ZC3H12B: variants seen among roughly 807,000 people sequenced by gnomAD.
ZC3H12B encodes the protein probable ribonuclease ZC3H12B.
Under a neutral mutation model 43.9 loss-of-function variants are expected in ZC3H12B, and 7 were observed. The ratio of observed to expected loss-of-function variants is 0.16; its 90% CI spans 0.09 to 0.30. The LOEUF (loss-of-function observed/expected upper bound fraction) is 0.30. Among genes scored for constraint, ZC3H12B ranks in the 10% least tolerant of loss-of-function variants. The probability of loss-of-function intolerance (pLI) is 1.00; values close to 1 mark genes in which losing one functional copy is unlikely to be tolerated. For missense variants in ZC3H12B, 475 were observed against 670.2 expected (o/e 0.71, Z 3.22); for synonymous variants, 222 against 241.7 (o/e 0.92, Z 0.76).
At chrX:65,053,067 C>T in the ZC3H12B span, among the ~76,000 whole-genome samples, 1 of 110,547 alleles carries the variant, frequency 9.0e-6, no homozygotes, top group Non-Finnish European at 1.9e-5. Flanking sequence ...AGAAGTATTC[C>T]CTCCTGCTCT....
chrX:65,196,813 C>T, the ZC3H12B span, among the ~76,000 whole-genome samples: 1 of 111,446 alleles, frequency 9.0e-6, no homozygotes. Context: ...AAAGAGGAAA[C>T]GGAGGTTTTA....
chrX:65,078,423 A>G, the ZC3H12B span, among the ~76,000 whole-genome samples: 1 of 112,083 alleles, frequency 8.9e-6, no homozygotes, highest in Non-Finnish European at 1.9e-5. Context: ...AGTGAAGGAG[A>G]TGAGAATGAG....
At chrX:65,498,288 G>A (rs759531927) in intron 2 of ZC3H12B, among the ~76,000 whole-genome samples, 21 of 111,786 alleles carry the variant, frequency 1.9e-4, no homozygotes, top group Admixed American at 6.7e-4. Flanking sequence ...CAGTCCTAAC[G>A]GCAGAGGGGT....
chrX:65,152,402 A>G, the ZC3H12B span, among the ~76,000 whole-genome samples: 2 of 111,890 alleles, frequency 1.8e-5, no homozygotes, highest in Admixed American at 1.9e-4. Context: ...TACAAAATCA[A>G]TGTACAAAAA....
chrX:65,152,616 T>C, the ZC3H12B span, among the ~76,000 whole-genome samples: 6 of 111,563 alleles, frequency 5.4e-5, no homozygotes, highest in Non-Finnish European at 1.1e-4. Flanking sequence ...CATTCCATGC[T>C]CATGGGTAGG....
chrX:65,225,760 G>A, the ZC3H12B span, among the ~76,000 whole-genome samples: 1 of 112,129 alleles, frequency 8.9e-6, no homozygotes, highest in Non-Finnish European at 1.9e-5. Flanking sequence ...TGATCAACTG[G>A]AAGAAAGGGT....
the ZC3H12B span, among the ~76,000 whole-genome samples, chrX:65,112,898 T>C: frequency 2.7e-5 from 3 of 112,126 alleles, no homozygotes. Context: ...AGAAATACAT[T>C]TCATAAGGCT....
At chrX:65,387,897 T>G (rs1204850821) in intron 2 of ZC3H12B, among the ~76,000 whole-genome samples, 2 of 112,448 alleles carry the variant, frequency 1.8e-5, no homozygotes, top group African/African-American at 6.4e-5. Context: ...CCTTCACTTA[T>G]GAAGCTTAGT....
chrX:65,259,426 A>G, the ZC3H12B span, among the ~76,000 whole-genome samples: 1 of 112,036 alleles, frequency 8.9e-6, no homozygotes, highest in Admixed American at 9.5e-5. Context: ...GATGGATTAA[A>G]GACTTAAATG....
chrX:65,369,405 C>T (rs1312709634), intron 2 of ZC3H12B, among the ~76,000 whole-genome samples: 1 of 111,619 alleles, frequency 9.0e-6, no homozygotes, highest in African/African-American at 3.3e-5. Flanking sequence ...TTTGACTTGC[C>T]TAAGATCATA....
the ZC3H12B span, among the ~76,000 whole-genome samples, chrX:65,150,819 T>A: frequency 9.0e-6 from 1 of 111,511 alleles, no homozygotes; most frequent in African/African-American, 3.3e-5. Flanking sequence ...CTTTTACTAA[T>A]GAAACCTATC....
chrX:65,090,524 C>T, the ZC3H12B span, among the ~76,000 whole-genome samples: 1 of 111,796 alleles, frequency 8.9e-6, no homozygotes, highest in Non-Finnish European at 1.9e-5. Context: ...GAACATGAAA[C>T]AGTTGTTCTT....
At chrX:65,198,779 A>G in the ZC3H12B span, among the ~76,000 whole-genome samples, 4 of 111,655 alleles carry the variant, frequency 3.6e-5, no homozygotes, top group Non-Finnish European at 7.5e-5. Context: ...ATCCCTTTTA[A>G]TAAAGTTTCT....
the ZC3H12B span, among the ~76,000 whole-genome samples, chrX:65,177,473 GAGA>G: frequency 8.9e-6 from 1 of 112,127 alleles, no homozygotes; most frequent in African/African-American, 3.2e-5. Flanking sequence ...CAAGTAGGAA[GAGA>G]AGAAGTCAAA....
At chrX:65,391,840 G>A (rs1292119891) in intron 2 of ZC3H12B, among the ~76,000 whole-genome samples, 3 of 111,069 alleles carry the variant, frequency 2.7e-5, no homozygotes, top group Non-Finnish European at 5.7e-5. Flanking sequence ...GTAATGCCGC[G>A]ATCTTGGCTC....
At chrX:65,246,460 C>T in the ZC3H12B span, among the ~76,000 whole-genome samples, 133 of 111,775 alleles carry the variant, frequency 1.2e-3, 1 homozygote, top group African/African-American at 4.2e-3. Context: ...CAAGGCAATT[C>T]TAAGCAAAAA....
At chrX:65,457,403 C>T (rs1406033677) in intron 3 of ZC3H12B, among the ~76,000 whole-genome samples, 17 of 61,036 alleles carry the variant, frequency 2.8e-4, no homozygotes, top group Non-Finnish European at 3.9e-4. Flanking sequence ...AAGTGAGGAG[C>T]CCCTCTGCCT....
At chrX:65,059,225 C>A in the ZC3H12B span, among the ~76,000 whole-genome samples, 8 of 81,500 alleles carry the variant, frequency 9.8e-5, no homozygotes, top group Non-Finnish European at 1.4e-4. Context: ...AACCACCCCC[C>A]CCCCGCCCCA....
chrX:65,387,442 A>G (rs2066543913), intron 2 of ZC3H12B, among the ~76,000 whole-genome samples: 1 of 111,333 alleles, frequency 9.0e-6, no homozygotes, highest in South Asian at 3.8e-4. Context: ...AGTCTGTTTT[A>G]TCAGAGACTA....
Sources: gnomAD v4.1 joint callset for allele counts (sites outside exome capture counted in the v4.1 genomes callset) on GRCh38, gnomAD v4.1.1 for gene constraint, MANE v1.5 for transcripts, NCBI Gene and HGNC (gene_info 2026-07-23, HGNC 2026-07-21) for gene names.